Variants in PLEKHG2 observed in about 807,000 individuals in gnomAD.
PLEKHG2 encodes pleckstrin homology domain-containing family G member 2.
A neutral mutation model predicts 104.4 loss-of-function variants in PLEKHG2; 71 were observed. The observed-to-expected ratio is 0.68, with a 90% confidence interval of 0.56 to 0.83. The LOEUF is 0.83. Ranked by LOEUF, PLEKHG2 falls within the 40% of genes least tolerant of loss-of-function variation. The probability of loss-of-function intolerance (pLI) is 0.00; values close to 1 mark genes in which losing one functional copy is unlikely to be tolerated. For missense variants in PLEKHG2, 1,730 were observed against 1,809.4 expected (o/e 0.96, Z 0.80); for synonymous variants, 728 against 737.0 (o/e 0.99, Z 0.20).
At position 39,425,318 on chromosome 19, in the gene PLEKHG2, A is replaced by G. The variant is rs56845315; in HGVS notation, c.*24A>G. On this transcript the variant is annotated 3_prime_UTR_variant, in exon 19 of 19. Transcript: ENST00000425673. ...GAGCCAGGACATGAGGCTTCCCTGA[A>G]GCAAGGATTTCAGCCAGATGCCATA... The G allele has an allele frequency of 0.012, 19,441 of 1,588,554 alleles. 1,607 individuals carry two copies. In the African/African-American group the frequency reaches 0.2, roughly 16 times the overall value.
intron 8 of PLEKHG2, 97 bp from the exon 9 acceptor site, chr19:39,417,807 CA>C: frequency 6.7e-7 from 1 of 1,500,520 alleles, no homozygotes; most frequent in Non-Finnish European, 8.9e-7. Context: ...GCTGGGACAG[CA>C]TGGCCCTGTT....
At position 39,417,632 on chromosome 19, in the gene PLEKHG2, A is replaced by G; in HGVS notation, c.822A>G (p.Thr274=). 1 of 1,613,936 alleles carries G rather than the reference A, an allele frequency of 6.2e-7. No individual in the cohort carries two copies. Among genetic ancestry groups the G allele is most frequent in the Non-Finnish European group, 8.5e-7 (1 of 1,179,998 alleles). ...EMVEEAIVSM[T]AVAWYINDMK... ...TGGAGGAAGCTATTGTGTCCATGAC[A>G]GCGGTTGCCTGGTACATCAACGACA... is the stretch of plus-strand genomic sequence containing the variant. The change falls in exon 8 of 19, where the codon ACA becomes ACG. Residue 274 remains threonine, a synonymous_variant. Coordinates refer to ENST00000425673, the MANE Select transcript of PLEKHG2 (RefSeq NM_022835.3).
chr19:39,418,700 A>G (rs537248711), intron 9 of PLEKHG2, 34 bp from the exon 10 acceptor site: 6 of 1,563,072 alleles, frequency 3.8e-6, no homozygotes, highest in Admixed American at 1.7e-5. Flanking sequence ...GAGCCCAAGG[A>G]CTCTGAGCTT....
rs1197521621 is a variant in PLEKHG2 at position 39,418,719 on chromosome 19, T to A, written c.1084-15T>A. 6.2e-7 allele frequency: 1 copy of A among 1,606,282 alleles called. No individual in the cohort carries two copies. Among genetic ancestry groups the A allele is most frequent in the Admixed American group, 1.7e-5 (1 of 59,716 alleles). ...CCAAGGACTCTGAGCTTGCTACCCC[T>A]CTCTTTCCTTCCAGTGCTGCAACCT... On this transcript the variant is annotated splice_polypyrimidine_tract_variant and intron_variant, in intron 9 of 18. Transcript: ENST00000425673.
At chr19:39,417,789 G>T in intron 8 of PLEKHG2, 97 bp downstream of exon 8, 1 of 1,514,160 alleles carries the variant, frequency 6.6e-7, no homozygotes, top group Non-Finnish European at 8.8e-7. Flanking sequence ...GGTAGCCTTG[G>T]AGGGTTGGCT....
rs779515158 is a variant in PLEKHG2 at position 39,420,935 on chromosome 19, C to A, written c.1400-14C>A. ...AGCTGGGCTCACACAGGGCTCTGGC[C>A]CTCCCTCCCACAGCTCCATCTCCTG... is the stretch of plus-strand genomic sequence containing the variant. On this transcript the variant is annotated splice_polypyrimidine_tract_variant and intron_variant, in intron 13 of 18. Transcript: ENST00000425673. The A allele has an allele frequency of 6.2e-7, 1 of 1,614,042 alleles. No individual in the cohort carries two copies. The highest frequency in any genetic ancestry group is 8.5e-7 in the Non-Finnish European group (1 of 1,180,000).
intron 8 of PLEKHG2, 36 bp from the exon 9 acceptor site, chr19:39,417,869 C>G (rs1235120404): frequency 4.7e-5 from 71 of 1,520,524 alleles, no homozygotes; most frequent in Non-Finnish European, 6.0e-5. Context: ...CCATGCTTGT[C>G]TCTGCGCCCC....
Position 39,418,809 on chromosome 19 carries a change from C to T in PLEKHG2, c.1159C>T (p.His387Tyr), listed in dbSNP as rs2078651105. 1 of 1,610,122 alleles carries T rather than the reference C, an allele frequency of 6.2e-7. No homozygotes were observed. The highest frequency in any genetic ancestry group is 1.7e-5 in the Admixed American group (1 of 59,916). The change falls in exon 10 of 19, where the codon CAC (histidine) becomes TAC (tyrosine). Residue 387 changes from histidine to tyrosine, a missense_variant. Physicochemically the swap from His to Tyr is moderately conservative, Grantham distance 83. Coordinates refer to ENST00000425673, the MANE Select transcript of PLEKHG2 (RefSeq NM_022835.3). Reference protein sequence around the residue: ...FKVSDLTIPKHRHLLQAKNQE... With the variant: ...FKVSDLTIPKYRHLLQAKNQE... ...GGTGTCTGATCTGACCATTCCCAAG[C>T]ACAGACACCTGCTCCAGGTGAGCAT... is the stretch of plus-strand genomic sequence containing the variant.
In PLEKHG2 at chr19:39,424,945, G is replaced by GC; in HGVS notation, c.3816dup (p.Asn1273GlnfsTer68). On this transcript the variant is annotated frameshift_variant, in exon 19 of 19. Coordinates refer to ENST00000425673, the MANE Select transcript of PLEKHG2 (RefSeq NM_022835.3). LOFTEE classifies it high-confidence loss of function. ...CCACCTTCCAGCCGTCAGCTCCTGG[G>GC]CCCCAATGCAGCTGCCCTCTCCAGA... The GC allele has an allele frequency of 6.2e-7, 1 of 1,614,180 alleles. No homozygotes were observed. Among genetic ancestry groups the GC allele is most frequent in the Non-Finnish European group, 8.5e-7 (1 of 1,180,042 alleles).
rs779893044 is a variant in PLEKHG2 at position 39,416,445 on chromosome 19, T to G, written c.546+31T>G. 1 of 1,589,420 alleles carries G rather than the reference T, an allele frequency of 6.3e-7. No homozygotes were observed. The highest frequency in any genetic ancestry group is 8.6e-7 in the Non-Finnish European group (1 of 1,165,878). On this transcript the variant is annotated intron_variant, in intron 5 of 18. Coordinates refer to ENST00000425673, the MANE Select transcript of PLEKHG2 (RefSeq NM_022835.3). The surrounding 1 kb of genome is among the most constrained non-coding windows in gnomAD (Gnocchi z 4.5). The stretch of plus-strand genomic sequence containing the variant: ...TGGAGGGGTGGGGGGCTCTCGGTCC[T>G]GGATGGGGCCTTTGTAGAGGGGGGA...
Position 39,423,265 on chromosome 19 carries a change from AGG to A in PLEKHG2, c.2214_2215del (p.Val739IlefsTer19). 6.2e-7 allele frequency: 1 copy of A among 1,614,060 alleles called. No homozygotes were observed. On this transcript the variant is annotated frameshift_variant, in exon 18 of 19. Transcript: ENST00000425673. LOFTEE classifies it high-confidence loss of function. ...AGGCAGGGCCAGAGGAGGATGAAGA[AGG>A]GGTATCATTCACAGACTTCCAGCCC... ...GKAGPEEDEE[G>X]VSFTDFQPQD... is the part of the protein sequence containing the mutation.
Position 39,414,081 on chromosome 19 carries a change from T to C in PLEKHG2, c.-6T>C. The C allele has an allele frequency of 6.4e-7, 1 of 1,550,938 alleles. No homozygotes were observed. The highest frequency in any genetic ancestry group is 1.2e-5 in the South Asian group (1 of 84,046). On this transcript the variant is annotated 5_prime_UTR_variant, in exon 2 of 19. Transcript: ENST00000425673. ...TTTCTGCAGGACTCTGCTGGGCCGC[T>C]CAGCCATGCCTGAGGGAGCCCAAGG...
intron 8 of PLEKHG2, 34 bp from the exon 9 acceptor site, chr19:39,417,871 C>G (rs1017048639): frequency 5.9e-6 from 9 of 1,522,194 alleles, no homozygotes; most frequent in Non-Finnish European, 7.9e-6. Context: ...ATGCTTGTCT[C>G]TGCGCCCCGG....
At position 39,418,932 on chromosome 19, in the gene PLEKHG2, G is replaced by C; in HGVS notation, c.1192G>C (p.Glu398Gln). 6.2e-7 allele frequency: 1 copy of C among 1,612,556 alleles called. No homozygotes were observed. The highest frequency in any genetic ancestry group is 8.5e-7 in the Non-Finnish European group (1 of 1,179,270). ...CCACTCCTAGGCCAAGAACCAAGAA[G>C]AGAAGAGGCTGTGGATTCACTGTCT... is the stretch of plus-strand genomic sequence containing the variant. ...RHLLQAKNQEEKRLWIHCLQR... is the reference protein window; with the variant it reads ...RHLLQAKNQEQKRLWIHCLQR... The change falls in exon 11 of 19, where the codon GAG becomes CAG. Residue 398 changes from glutamate (E) to glutamine (Q), a missense_variant. Transcript: ENST00000425673.
At chr19:39,419,548 C>A (rs1356610162) in intron 11 of PLEKHG2, among the ~76,000 whole-genome samples, 1 of 151,980 alleles carries the variant, frequency 6.6e-6, no homozygotes, top group African/African-American at 2.4e-5. Flanking sequence ...TCAAGAGCAG[C>A]CTGACCGACA....
chr19:39,422,527 G>A (rs909800306), intron 17 of PLEKHG2, among the ~76,000 whole-genome samples: 3 of 151,618 alleles, frequency 2.0e-5, no homozygotes, highest in Admixed American at 6.6e-5. Context: ...ACAGGCACCC[G>A]CCAACACACC....
At position 39,422,752 on chromosome 19, in the gene PLEKHG2, C is replaced by G; in HGVS notation, c.1698C>G (p.Pro566=). 1 of 1,522,396 alleles carries G rather than the reference C, an allele frequency of 6.6e-7. No homozygotes were observed. The highest frequency in any genetic ancestry group is 8.8e-7 in the Non-Finnish European group (1 of 1,137,930). 94.3% of individuals were successfully genotyped at this position (1,522,396 alleles called of 1,614,324 possible). Residue 566 remains proline (P), a synonymous_variant, in exon 18 of 19, where the codon CCC becomes CCG. Coordinates refer to ENST00000425673, the MANE Select transcript of PLEKHG2 (RefSeq NM_022835.3). ...RDPGPSTHDI[P]KFPGDSQVPG... ...TATAGCCGTCCACCCATGACATTCCCAAGTTCCCCGGAGACTCCCAGGTGC... is the reference window on the plus strand; with the variant it reads ...TATAGCCGTCCACCCATGACATTCCGAAGTTCCCCGGAGACTCCCAGGTGC...
At chr19:39,418,298 G>C (rs189230698) in intron 9 of PLEKHG2, among the ~76,000 whole-genome samples, 193 bp downstream of exon 9, 18 of 152,286 alleles carry the variant, frequency 1.2e-4, no homozygotes, top group African/African-American at 3.8e-4. Context: ...AAAGGAGAAG[G>C]CTGGGCGTGG....
At position 39,415,205 on chromosome 19, in the gene PLEKHG2, G is replaced by T; in HGVS notation, c.323G>T (p.Arg108Leu). 1.9e-6 allele frequency: 3 copies of T among 1,584,062 alleles called. No individual in the cohort carries two copies. Among genetic ancestry groups the T allele is most frequent in the Non-Finnish European group, 2.6e-6 (3 of 1,164,354 alleles). ...CCCTCAAGGCTGGAGCGTGTGGCCCGGGAGATCGTGGAGACAGAACGGGCC... is the reference window on the plus strand; with the variant it reads ...CCCTCAAGGCTGGAGCGTGTGGCCCTGGAGATCGTGGAGACAGAACGGGCC... Reference protein sequence around the residue: ...ARPSRLERVAREIVETERAYV... With the variant: ...ARPSRLERVALEIVETERAYV... The change falls in exon 3 of 19, where the codon CGG becomes CTG. Residue 108 changes from arginine (R) to leucine (L), a missense_variant. Transcript: ENST00000425673. The surrounding 1 kb of genome is among the most constrained non-coding windows in gnomAD (Gnocchi z 4.6).
Sources: allele counts gnomAD v4.1 joint callset (sites outside exome capture counted in the v4.1 genomes callset), GRCh38; gene constraint gnomAD v4.1.1; non-coding constraint Gnocchi (gnomAD v3.1); transcripts MANE v1.5; gene names NCBI Gene and HGNC (gene_info 2026-07-23, HGNC 2026-07-21).